BNC2: variants seen among roughly 807,000 people sequenced by gnomAD.
BNC2 encodes the protein zinc finger protein basonuclin-2.
Under a neutral mutation model 76.3 loss-of-function variants are expected in BNC2, and 20 were observed. That is an observed-to-expected ratio of 0.26 (90% confidence interval 0.18 to 0.38). The LOEUF is 0.38. Among genes scored for constraint, BNC2 ranks in the 10% least tolerant of loss-of-function variants. The pLI is 1.00. For missense variants in BNC2, 1,382 were observed against 1,399.8 expected (o/e 0.99, Z 0.20); for synonymous variants, 582 against 514.8 (o/e 1.13, Z -1.77).
At chr9:16,560,843 C>T (rs1469811520) in intron 4 of BNC2, among the ~76,000 whole-genome samples, 1 of 152,200 alleles carries the variant, frequency 6.6e-6, no homozygotes, top group Non-Finnish European at 1.5e-5. Context: ...TGACACCTAT[C>T]CAGCAGGAAC....
At chr9:16,640,895 A>G (rs1385410198) in intron 3 of BNC2, among the ~76,000 whole-genome samples, 2 of 152,152 alleles carry the variant, frequency 1.3e-5, no homozygotes, top group East Asian at 3.9e-4. Flanking sequence ...TAACACTAGG[A>G]TCCTGTTACT....
At position 16,754,622 on chromosome 9, in the gene BNC2, A is replaced by G. The variant is rs113231967; in HGVS notation, c.4-16137T>C. ...GCTCAGGCTGTAGTGCAGTGGCACA[A>G]TCTCGACTCACTACAAGCTCCACCT... On this transcript the variant is annotated intron_variant, in intron 1 of 6. Coordinates refer to ENST00000380672, the MANE Select transcript of BNC2 (RefSeq NM_017637.6). Among the ~76,000 whole-genome samples the G allele has an allele frequency of 3.2e-3, 483 of 152,220 alleles. 3 individuals are homozygous for G. Among genetic ancestry groups the G allele is most frequent in the African/African-American group, 0.011 (465 of 41,532 alleles).
chr9:16,800,508 T>A (rs1009222023), intron 1 of BNC2, among the ~76,000 whole-genome samples: 6 of 152,086 alleles, frequency 3.9e-5, no homozygotes, highest in African/African-American at 1.4e-4. Context: ...TGCAACCAGT[T>A]ACTTAACCAG....
At chr9:16,660,853 G>GT (rs137948635) in intron 3 of BNC2, among the ~76,000 whole-genome samples, 19,164 of 152,092 alleles carry the variant, frequency 0.13, 1,625 homozygotes, top group Non-Finnish European at 0.19. Flanking sequence ...ACTATGTATT[G>GT]TAAGTAATAT....
At chr9:16,439,783 C>A (rs1346642443) in intron 5 of BNC2, among the ~76,000 whole-genome samples, 1 of 148,866 alleles carries the variant, frequency 6.7e-6, no homozygotes, top group African/African-American at 2.6e-5. Context: ...TAGCATCCTA[C>A]CATTTTACAT....
intron 2 of BNC2, among the ~76,000 whole-genome samples, chr9:16,737,684 G>C (rs1824717955): frequency 6.6e-6 from 1 of 151,976 alleles, no homozygotes; most frequent in African/African-American, 2.4e-5. Flanking sequence ...TGTTGAAACA[G>C]AGCAAATGTT....
rs7864491 is a variant in BNC2, at chr9:16,456,438, G to A, written c.670-18914C>T. The stretch of plus-strand genomic sequence containing the variant: ...ATCAGAGTCCTGGGAGGCTGAGGCA[G>A]GAGAATGGCATGAACCCAGGGGATG... On this transcript the variant is annotated intron_variant, in intron 5 of 6. Coordinates refer to ENST00000380672, the MANE Select transcript of BNC2 (RefSeq NM_017637.6). Among the ~76,000 whole-genome samples the A allele has an allele frequency of 7.8e-3, 1,186 of 151,568 alleles. 10 individuals are homozygous for A. Among genetic ancestry groups the A allele is most frequent in the Middle Eastern group, 0.031 (9 of 294 alleles).
chr9:16,847,465 G>GTCCT (rs1819017358), intron 1 of BNC2, among the ~76,000 whole-genome samples: 1 of 109,192 alleles, frequency 9.2e-6, no homozygotes, highest in Non-Finnish European at 1.8e-5. Flanking sequence ...ACAAATTAAG[G>GTCCT]AAGTTGACTT....
intron 1 of BNC2, among the ~76,000 whole-genome samples, chr9:16,767,240 G>A (rs1236960489): frequency 6.6e-6 from 1 of 152,168 alleles, no homozygotes. Flanking sequence ...TTCATCAAGT[G>A]CCCAACACTC....
intron 6 of BNC2, among the ~76,000 whole-genome samples, chr9:16,434,637 C>A (rs1331227402): frequency 6.6e-6 from 1 of 152,146 alleles, no homozygotes; most frequent in Non-Finnish European, 1.5e-5. Context: ...CCACTGACCA[C>A]CTTGACACAT....
intron 1 of BNC2, among the ~76,000 whole-genome samples, chr9:16,750,534 A>G (rs1485206370): frequency 3.3e-5 from 5 of 152,242 alleles, no homozygotes; most frequent in African/African-American, 1.2e-4. Flanking sequence ...TCAGATGCGA[A>G]TGGGCATCCC....
intron 1 of BNC2, among the ~76,000 whole-genome samples, chr9:16,843,732 G>A (rs1360842221): frequency 6.6e-6 from 1 of 152,222 alleles, no homozygotes; most frequent in African/African-American, 2.4e-5. Context: ...TACCATGTAA[G>A]ACTACAAATG....
At chr9:16,429,253 CAA>C (rs879307299) in intron 6 of BNC2, 2 of 152,162 alleles carry the variant, frequency 1.3e-5, no homozygotes, top group Non-Finnish European at 2.9e-5. Context: ...TCACTTACAG[CAA>C]AAGAGTTGAT....
At chr9:16,564,454 A>G (rs1417640088) in intron 4 of BNC2, among the ~76,000 whole-genome samples, 1 of 152,128 alleles carries the variant, frequency 6.6e-6, no homozygotes, top group Non-Finnish European at 1.5e-5. Flanking sequence ...GAAGATCTGG[A>G]GGCAAAATCA....
At chr9:16,825,668 T>C (rs569712571) in intron 1 of BNC2, among the ~76,000 whole-genome samples, 1 of 152,230 alleles carries the variant, frequency 6.6e-6, no homozygotes, top group East Asian at 1.9e-4. Context: ...TTTTCTCCTA[T>C]GGAGTGAGAC....
At chr9:16,746,305 A>G (rs1266803244) in intron 1 of BNC2, among the ~76,000 whole-genome samples, 1 of 152,104 alleles carries the variant, frequency 6.6e-6, no homozygotes, top group African/African-American at 2.4e-5. Flanking sequence ...CCTGACTGCA[A>G]TCAGTGTCAG....
At chr9:16,714,460 T>C (rs149908719) in intron 3 of BNC2, among the ~76,000 whole-genome samples, 4 of 152,234 alleles carry the variant, frequency 2.6e-5, no homozygotes, top group African/African-American at 9.6e-5. Flanking sequence ...GAACATGGCA[T>C]ACCAGCATCA....
chr9:16,684,949 A>G (rs1316129070), intron 3 of BNC2, among the ~76,000 whole-genome samples: 1 of 152,172 alleles, frequency 6.6e-6, no homozygotes, highest in Admixed American at 6.5e-5. Context: ...TTACACCACA[A>G]GACATATCTT....
At chr9:16,447,315 A>G (rs902718463) in intron 5 of BNC2, among the ~76,000 whole-genome samples, 1 of 152,126 alleles carries the variant, frequency 6.6e-6, no homozygotes, top group Non-Finnish European at 1.5e-5. Context: ...CCTCAGAGGA[A>G]AATAAAATTA....
Sources: allele counts gnomAD v4.1 joint callset (sites outside exome capture counted in the v4.1 genomes callset), GRCh38; gene constraint gnomAD v4.1.1; transcripts MANE v1.5; gene names NCBI Gene and HGNC (gene_info 2026-07-23, HGNC 2026-07-21).